ATRNL1: variants seen among roughly 807,000 people sequenced by gnomAD.
ATRNL1 encodes attractin like 1.
ATRNL1 carries 95 observed loss-of-function variants against 182.7 expected under a neutral mutation model. That is an observed-to-expected ratio of 0.52 (90% CI 0.44 to 0.62). ATRNL1 has a LOEUF of 0.62. Ranked by LOEUF, ATRNL1 falls within the 20% of genes least tolerant of loss-of-function variation. The probability of loss-of-function intolerance (pLI) is 0.00; values close to 1 mark genes in which losing one functional copy is unlikely to be tolerated. For synonymous variants in ATRNL1, 576 were observed against 568.3 expected (o/e 1.01, Z -0.19); for missense variants, 1,471 against 1,679.5 (o/e 0.88, Z 2.17).
At chr10:115,671,762 C>T (rs927924090) in intron 26 of ATRNL1, among the ~76,000 whole-genome samples, 1 of 152,082 alleles carries the variant, frequency 6.6e-6, no homozygotes, top group Non-Finnish European at 1.5e-5. Context: ...AGGTTTTTTA[C>T]GAAGTTTGTT....
intron 28 of ATRNL1, among the ~76,000 whole-genome samples, chr10:115,913,809 C>T (rs1565482536): frequency 6.6e-6 from 1 of 152,140 alleles, no homozygotes; most frequent in Non-Finnish European, 1.5e-5. Context: ...TCATGGATGC[C>T]CCCAAACTGT....
chr10:115,538,719 A>T (rs1056828534), intron 25 of ATRNL1, among the ~76,000 whole-genome samples: 2 of 152,114 alleles, frequency 1.3e-5, no homozygotes, highest in African/African-American at 4.8e-5. Flanking sequence ...AATTTAATGC[A>T]TTTTTTTAAA....
intron 28 of ATRNL1, among the ~76,000 whole-genome samples, chr10:115,896,035 C>A (rs1473149879): frequency 2.0e-5 from 3 of 152,108 alleles, no homozygotes; most frequent in Admixed American, 1.3e-4. Context: ...TACAAGGAGC[C>A]CAGTTAGCGT....
chr10:115,164,345 T>G (rs1846938245), intron 6 of ATRNL1, among the ~76,000 whole-genome samples: 1 of 152,172 alleles, frequency 6.6e-6, no homozygotes, highest in Non-Finnish European at 1.5e-5. Flanking sequence ...AAATAAATGC[T>G]TATTGGTTAA....
chr10:115,682,297 G>A (rs964282608), intron 26 of ATRNL1, among the ~76,000 whole-genome samples: 3 of 152,170 alleles, frequency 2.0e-5, no homozygotes, highest in Non-Finnish European at 4.4e-5. Flanking sequence ...CCAGCACTTT[G>A]GGAGGCCAAG....
At chr10:115,550,770 A>C (rs1337283961) in intron 26 of ATRNL1, among the ~76,000 whole-genome samples, 3 of 151,812 alleles carry the variant, frequency 2.0e-5, no homozygotes, top group African/African-American at 7.2e-5. Context: ...GTAAAATTAT[A>C]GATTCAGGAA....
At chr10:115,848,530 A>G (rs911242188) in intron 28 of ATRNL1, among the ~76,000 whole-genome samples, 35 of 152,224 alleles carry the variant, frequency 2.3e-4, no homozygotes, top group South Asian at 4.2e-4. Context: ...TGGACCAGGG[A>G]AACCCTCTGT....
intron 26 of ATRNL1, chr10:115,597,689 G>T: frequency 2.2e-6 from 1 of 448,908 alleles, no homozygotes; most frequent in African/African-American, 2.0e-5. Flanking sequence ...CTCCATTACA[G>T]GCGCCCACTA....
intron 27 of ATRNL1, among the ~76,000 whole-genome samples, chr10:115,753,129 A>C (rs1408866489): frequency 6.6e-6 from 1 of 152,024 alleles, no homozygotes; most frequent in Non-Finnish European, 1.5e-5. Context: ...GGAAGATTTG[A>C]TGTTATTAAT....
intron 22 of ATRNL1, among the ~76,000 whole-genome samples, chr10:115,465,611 A>G (rs1848015718): frequency 1.9e-5 from 1 of 52,274 alleles, no homozygotes; most frequent in Non-Finnish European, 6.8e-5. Context: ...AATCAATAGA[A>G]AATAAGAAGG....
At chr10:115,853,179 CT>C (rs782228204) in intron 28 of ATRNL1, among the ~76,000 whole-genome samples, 48 of 152,264 alleles carry the variant, frequency 3.2e-4, no homozygotes, top group Non-Finnish European at 4.9e-4. Flanking sequence ...AAATAACTTG[CT>C]TCTGAGTGGT....
At chr10:115,895,004 T>G (rs1184290904) in intron 28 of ATRNL1, among the ~76,000 whole-genome samples, 1 of 152,180 alleles carries the variant, frequency 6.6e-6, no homozygotes, top group Non-Finnish European at 1.5e-5. Context: ...AAAACTCAAA[T>G]TGCCGTGTGC....
At chr10:115,788,584 A>G (rs1555080965) in intron 27 of ATRNL1, among the ~76,000 whole-genome samples, 1 of 152,146 alleles carries the variant, frequency 6.6e-6, no homozygotes, top group Non-Finnish European at 1.5e-5. Context: ...GGGCAAGGAG[A>G]TAATTGGCAT....
At chr10:115,112,291 T>G (rs977271284) in intron 1 of ATRNL1, among the ~76,000 whole-genome samples, 10 of 152,184 alleles carry the variant, frequency 6.6e-5, no homozygotes, top group African/African-American at 1.9e-4. Flanking sequence ...TCCTATAATT[T>G]GTTTGAAACC....
intron 19 of ATRNL1, among the ~76,000 whole-genome samples, chr10:115,369,496 G>T (rs1044948203): frequency 3.4e-4 from 52 of 152,120 alleles, no homozygotes; most frequent in Non-Finnish European, 6.9e-4. Context: ...AGTTGATTTT[G>T]TATCTTTGCT....
At chr10:115,396,912 T>C (rs528328617) in intron 20 of ATRNL1, among the ~76,000 whole-genome samples, 1 of 151,936 alleles carries the variant, frequency 6.6e-6, no homozygotes, top group Non-Finnish European at 1.5e-5. Context: ...ATCATATAGT[T>C]CTTAATGATA....
At chr10:115,552,773 A>G (rs1853073003) in intron 26 of ATRNL1, among the ~76,000 whole-genome samples, 1 of 151,332 alleles carries the variant, frequency 6.6e-6, no homozygotes, top group Admixed American at 6.6e-5. Context: ...CAATTTTGAT[A>G]TGACCCCTTC....
chr10:115,134,821 A>T (rs1845428914), intron 5 of ATRNL1, among the ~76,000 whole-genome samples: 1 of 152,194 alleles, frequency 6.6e-6, no homozygotes, highest in Non-Finnish European at 1.5e-5. Context: ...GCAACACATC[A>T]AAAAGCTTAT....
chr10:115,561,719 G>GTGTGTA, intron 26 of ATRNL1, among the ~76,000 whole-genome samples: 1 of 151,378 alleles, frequency 6.6e-6, no homozygotes, highest in Non-Finnish European at 1.5e-5. Context: ...GTGTGTGTGT[G>GTGTGTA]TGTGTTTGTG....
Sources: allele counts gnomAD v4.1 joint callset (sites outside exome capture counted in the v4.1 genomes callset), GRCh38; gene constraint gnomAD v4.1.1; transcripts MANE v1.5; gene names NCBI Gene and HGNC (gene_info 2026-07-23, HGNC 2026-07-21).